RNF130: variants seen among roughly 807,000 people sequenced by gnomAD.
RNF130 encodes the protein ring finger protein 130, also known as E3 ubiquitin-protein ligase RNF130.
RNF130 carries 21 observed loss-of-function variants against 44.6 expected under a neutral mutation model. That is an observed-to-expected ratio of 0.47 (90% CI 0.33 to 0.68). RNF130 has a LOEUF of 0.68. RNF130 is among the 30% of genes least tolerant of loss of function. RNF130 has a pLI of 0.02. For synonymous variants in RNF130, 214 were observed against 210.4 expected, an observed-to-expected ratio of 1.02 and a Z score of -0.15; for missense variants, 479 against 560.6, an observed-to-expected ratio of 0.85 and a Z score of 1.47.
intron 7 of RNF130, among the ~76,000 whole-genome samples, chr5:179,926,567 G>C (rs902345118): frequency 2.0e-5 from 3 of 152,138 alleles, no homozygotes; most frequent in Non-Finnish European, 4.4e-5. Flanking sequence ...GGAATTGCTT[G>C]AACCAGGGAG....
intron 2 of RNF130, among the ~76,000 whole-genome samples, chr5:180,026,272 T>C (rs1486908201): frequency 1.4e-4 from 21 of 152,206 alleles, no homozygotes; most frequent in Non-Finnish European, 2.8e-4. Flanking sequence ...CTTACAGACA[T>C]ACAGATAAAA....
chr5:179,945,207 C>T (rs1320148543), intron 7 of RNF130, among the ~76,000 whole-genome samples: 3 of 152,042 alleles, frequency 2.0e-5, no homozygotes, highest in Non-Finnish European at 4.4e-5. Context: ...CAGGAGTTCT[C>T]GCCCACACCT....
intron 3 of RNF130, among the ~76,000 whole-genome samples, chr5:180,008,339 G>C (rs949259339): frequency 2.0e-5 from 3 of 152,120 alleles, no homozygotes; most frequent in African/African-American, 7.2e-5. Context: ...TGGTCTCACA[G>C]AGCCCAGTGG....
At chr5:179,926,320 C>G (rs1761707480) in intron 7 of RNF130, among the ~76,000 whole-genome samples, 1 of 152,186 alleles carries the variant, frequency 6.6e-6, no homozygotes, top group African/African-American at 2.4e-5. Flanking sequence ...TCTGACACGT[C>G]TCTTCATCTG....
At chr5:180,038,582 TC>T (rs1053446385) in intron 2 of RNF130, among the ~76,000 whole-genome samples, 6 of 152,186 alleles carry the variant, frequency 3.9e-5, no homozygotes, top group Admixed American at 6.5e-5. Flanking sequence ...TCAAGCATTT[TC>T]TGAAACTTAC....
rs188792280 is a variant in RNF130, at chr5:179,979,471, G to C, written c.765+658C>G. On this transcript the variant is annotated intron_variant, in intron 4 of 8. Coordinates refer to ENST00000521389, the MANE Select transcript of RNF130 (RefSeq NM_018434.6). ...GCTTAAATATTAGAATTGGGTGTGG[G>C]GCAGGAGACAGTTTTCGTTTTATGC... Among the ~76,000 whole-genome samples, 397 of 152,072 alleles carry C rather than the reference G, an allele frequency of 2.6e-3. 1 individual carries two copies. Among genetic ancestry groups the C allele is most frequent in the Admixed American group, 4.2e-3 (64 of 15,264 alleles).
At position 180,026,793 on chromosome 5, in the gene RNF130, C is replaced by A. The variant is rs960146254; in HGVS notation, c.443-13482G>T. Among the ~76,000 whole-genome samples, 18 of 152,284 alleles carry A rather than the reference C, an allele frequency of 1.2e-4. No individual in the cohort carries two copies. The East Asian group carries it at 3.1e-3, about 26-fold the overall frequency. On this transcript the variant is annotated intron_variant, in intron 2 of 8. Transcript: ENST00000521389. ...ATAACTTAATAAAATCATTTCAGAG[C>A]AAGCCATATTTATTTTGTTCAGGGC... is the stretch of plus-strand genomic sequence containing the variant.
At chr5:180,054,444 T>A (rs1287072646) in intron 1 of RNF130, among the ~76,000 whole-genome samples, 1 of 152,144 alleles carries the variant, frequency 6.6e-6, no homozygotes, top group Non-Finnish European at 1.5e-5. Flanking sequence ...TCCTTTCGCA[T>A]CCTCCCTCTC....
At chr5:179,995,590 G>A (rs1763182428) in intron 3 of RNF130, among the ~76,000 whole-genome samples, 1 of 152,192 alleles carries the variant, frequency 6.6e-6, no homozygotes, top group South Asian at 2.1e-4. Flanking sequence ...CCAGGTCTGG[G>A]AAAATGCATG....
chr5:180,038,552 C>T (rs1426766686), intron 2 of RNF130, among the ~76,000 whole-genome samples: 1 of 151,862 alleles, frequency 6.6e-6, no homozygotes, highest in Non-Finnish European at 1.5e-5. Context: ...TCCTAGGAGC[C>T]CCTAAATGTG....
chr5:179,960,067 T>G (rs1762293607), intron 8 of RNF130, among the ~76,000 whole-genome samples: 1 of 152,166 alleles, frequency 6.6e-6, no homozygotes, highest in South Asian at 2.1e-4. Context: ...ATAAAAATAT[T>G]TATTTTTCTT....
intron 8 of RNF130, 84 bp from the exon 9 acceptor site, chr5:179,955,753 G>T: frequency 8.5e-7 from 1 of 1,174,890 alleles, no homozygotes; most frequent in Non-Finnish European, 1.2e-6. Context: ...CTAACTGAAG[G>T]GTGGCCTGGC....
downstream of RNF130, among the ~76,000 whole-genome samples, chr5:179,950,303 G>A (rs927791036): frequency 3.9e-5 from 6 of 152,028 alleles, no homozygotes; most frequent in African/African-American, 4.8e-5. Flanking sequence ...TTTTAGTAGA[G>A]ATGGGGTTTT....
intron 3 of RNF130, among the ~76,000 whole-genome samples, chr5:179,986,356 A>G (rs1310030585): frequency 6.6e-6 from 1 of 152,236 alleles, no homozygotes; most frequent in Admixed American, 6.5e-5. Flanking sequence ...TTTTTCTTGT[A>G]ACGTCATGAC....
At position 179,971,149 on chromosome 5, in the gene RNF130, G is replaced by C. The variant is rs1242184176; in HGVS notation, c.849-643C>G. On this transcript the variant is annotated intron_variant, in intron 5 of 8. Transcript: ENST00000521389. Reference sequence around the variant, plus strand: ...AGTAGAAAGTCACAGTCTTGTGACTGGAAATAAGTCAGTCATACAGGGTTT... The same window carrying C: ...AGTAGAAAGTCACAGTCTTGTGACTCGAAATAAGTCAGTCATACAGGGTTT... Among the ~76,000 whole-genome samples, 5 of 152,104 alleles carry C rather than the reference G, an allele frequency of 3.3e-5. 1 individual carries two copies. The highest frequency in any genetic ancestry group is 1.3e-4 in the Admixed American group (2 of 15,272).
intron 1 of RNF130, among the ~76,000 whole-genome samples, chr5:180,050,242 G>A (rs922085178): frequency 6.6e-6 from 1 of 152,204 alleles, no homozygotes; most frequent in Non-Finnish European, 1.5e-5. Context: ...AGGGTGAGCT[G>A]GCAGGCTGGA....
At position 180,040,710 on chromosome 5, in the gene RNF130, T is replaced by C. The variant is rs770145371; in HGVS notation, c.248-63A>G. ...AAAACTGACCAAGTCTTTATCAAAGTGTCAACTGCTTTCTGAATACCACAC... is the reference window on the plus strand; with the variant it reads ...AAAACTGACCAAGTCTTTATCAAAGCGTCAACTGCTTTCTGAATACCACAC... On this transcript the variant is annotated intron_variant, in intron 1 of 8. Coordinates refer to ENST00000521389, the MANE Select transcript of RNF130 (RefSeq NM_018434.6). The C allele has an allele frequency of 3.4e-6, 5 of 1,456,950 alleles. No individual in the cohort carries two copies. In the African/African-American group the frequency reaches 4.2e-5, roughly 12 times the overall value. The allele number at this position is 1,456,950 out of a possible 1,614,324, so 90.3% of individuals were successfully genotyped here. A position where few individuals can be genotyped will look rare whatever the true frequency, so the allele number is the denominator to read the frequency against.
chr5:180,013,021 T>C (rs1303611029), intron 3 of RNF130, 40 bp downstream of exon 3: 2 of 1,579,326 alleles, frequency 1.3e-6, no homozygotes, highest in South Asian at 2.3e-5. Flanking sequence ...CTGTGAACTC[T>C]GGCTGTTACG....
chr5:179,953,869 G>C (rs1762163125), downstream of RNF130, among the ~76,000 whole-genome samples: 1 of 152,116 alleles, frequency 6.6e-6, no homozygotes, highest in African/African-American at 2.4e-5. Context: ...ATCTGATAAA[G>C]GCCTAGTATC....
Sources: allele counts gnomAD v4.1 joint callset (sites outside exome capture counted in the v4.1 genomes callset), GRCh38; gene constraint gnomAD v4.1.1; transcripts MANE v1.5; gene names NCBI Gene and HGNC (gene_info 2026-07-23, HGNC 2026-07-21).